Variants in GSK3B observed in about 807,000 individuals in gnomAD.
GSK3B encodes the protein glycogen synthase kinase-3 beta.
Under a neutral mutation model 56.4 loss-of-function variants are expected in GSK3B, and 15 were observed. The observed-to-expected ratio is 0.27, with a 90% CI of 0.18 to 0.41. GSK3B has a LOEUF of 0.41. GSK3B is among the 10% of genes least tolerant of loss of function. The pLI, the probability that GSK3B is intolerant of heterozygous loss-of-function variation, is 1.00. For synonymous variants in GSK3B, 181 were observed against 188.9 expected (o/e 0.96, Z 0.34); for missense variants, 300 against 513.4 (o/e 0.58, Z 4.02).
At chr3:120,029,020 G>C (rs775874836) in intron 1 of GSK3B, 3 of 643,654 alleles carry the variant, frequency 4.7e-6, no homozygotes, top group Non-Finnish European at 8.5e-6. Flanking sequence ...GTATCCTATA[G>C]GGACTCTCAT....
chr3:119,999,205 T>C (rs1369625587), intron 2 of GSK3B, among the ~76,000 whole-genome samples: 3 of 152,110 alleles, frequency 2.0e-5, no homozygotes, highest in South Asian at 4.1e-4. Context: ...GGTTTAAATA[T>C]TTTGATAGAA....
chr3:119,958,145 C>T (rs2057232338), intron 2 of GSK3B, among the ~76,000 whole-genome samples: 1 of 152,218 alleles, frequency 6.6e-6, no homozygotes, highest in Non-Finnish European at 1.5e-5. Flanking sequence ...TTAGTTTCTC[C>T]TGCACGATGA....
intron 10 of GSK3B, among the ~76,000 whole-genome samples, chr3:119,828,034 T>C (rs544790392): frequency 5.3e-5 from 8 of 151,982 alleles, no homozygotes; most frequent in African/African-American, 9.7e-5. Flanking sequence ...CCTGATATGA[T>C]TATTACACAT....
At chr3:119,929,137 A>C (rs76867271) in intron 3 of GSK3B, among the ~76,000 whole-genome samples, 15 of 152,206 alleles carry the variant, frequency 9.9e-5, no homozygotes, top group Non-Finnish European at 2.2e-4. Context: ...GCTGAAGGCT[A>C]AAAGAAAAAA....
chr3:119,993,678 G>T (rs1243689141), intron 2 of GSK3B, among the ~76,000 whole-genome samples: 4 of 152,146 alleles, frequency 2.6e-5, no homozygotes, highest in Admixed American at 6.5e-5. Flanking sequence ...AGAAAGAGGA[G>T]TTACAAATAT....
intron 1 of GSK3B, among the ~76,000 whole-genome samples, chr3:120,082,420 A>C (rs62266280): frequency 0.014 from 1,678 of 123,308 alleles, 32 homozygotes; most frequent in Middle Eastern, 0.04. Flanking sequence ...TTTTTGAGAA[A>C]GAGTCTTGCT....
intron 1 of GSK3B, among the ~76,000 whole-genome samples, chr3:120,065,926 A>C (rs1240481696): frequency 6.6e-6 from 1 of 152,154 alleles, no homozygotes; most frequent in Non-Finnish European, 1.5e-5. Flanking sequence ...TTGGAAAGCA[A>C]ATTAATGCCA....
chr3:120,046,537 C>T (rs1308806111), intron 1 of GSK3B, among the ~76,000 whole-genome samples: 1 of 152,100 alleles, frequency 6.6e-6, no homozygotes, highest in Admixed American at 6.6e-5. Context: ...CATGACAGCA[C>T]AATGGTTCTA....
intron 8 of GSK3B, among the ~76,000 whole-genome samples, chr3:119,866,400 AG>A (rs1166229751): frequency 6.6e-6 from 1 of 152,204 alleles, no homozygotes; most frequent in Non-Finnish European, 1.5e-5. Flanking sequence ...ATCACCCAAG[AG>A]GCTGACAATC....
chr3:120,082,321 A>G (rs2058426511), intron 1 of GSK3B, among the ~76,000 whole-genome samples: 1 of 151,848 alleles, frequency 6.6e-6, no homozygotes, highest in East Asian at 1.9e-4. Flanking sequence ...TGTCCAATAC[A>G]ATAACCACTA....
intron 10 of GSK3B, among the ~76,000 whole-genome samples, chr3:119,835,344 T>C (rs746107874): frequency 2.6e-5 from 4 of 152,216 alleles, no homozygotes; most frequent in Non-Finnish European, 4.4e-5. Context: ...TTTAGAAGAA[T>C]AAGTACAGCT....
chr3:119,941,643 TA>T (rs2057050630), intron 3 of GSK3B, among the ~76,000 whole-genome samples: 1 of 152,164 alleles, frequency 6.6e-6, no homozygotes, highest in African/African-American at 2.4e-5. Flanking sequence ...GTTTGACATA[TA>T]AAAAGCGCAA....
At chr3:119,979,462 C>T (rs899640932) in intron 2 of GSK3B, among the ~76,000 whole-genome samples, 9 of 152,072 alleles carry the variant, frequency 5.9e-5, no homozygotes, top group African/African-American at 1.9e-4. Flanking sequence ...AAGCCTTCAG[C>T]CCCAAACCCC....
intron 10 of GSK3B, 146 bp from the exon 11 acceptor site, chr3:119,827,001 T>C: frequency 1.6e-6 from 1 of 608,446 alleles, no homozygotes; most frequent in East Asian, 2.7e-5. Flanking sequence ...GCCAACACTA[T>C]GAAATCTGAA....
At chr3:119,857,174 CAGGATATTGGT>C (rs1269919793) in intron 9 of GSK3B, among the ~76,000 whole-genome samples, 2 of 152,106 alleles carry the variant, frequency 1.3e-5, no homozygotes, top group Non-Finnish European at 2.9e-5. Flanking sequence ...GCTGATTGAC[CAGGATATTGGT>C]TGCTGAAGGT....
intron 9 of GSK3B, among the ~76,000 whole-genome samples, chr3:119,855,235 T>A (rs760625879): frequency 1.3e-5 from 2 of 152,206 alleles, no homozygotes; most frequent in Non-Finnish European, 2.9e-5. Context: ...AAAATGCTCA[T>A]CATCACTGGC....
chr3:119,876,608 G>C (rs553440109), intron 7 of GSK3B, 100 bp from the exon 8 acceptor site: 3 of 699,158 alleles, frequency 4.3e-6, no homozygotes, highest in Non-Finnish European at 7.6e-6. Flanking sequence ...GAATTCCCAA[G>C]TTAAATAAAA....
At chr3:120,042,441 T>C (rs753320267) in intron 1 of GSK3B, among the ~76,000 whole-genome samples, 1 of 152,208 alleles carries the variant, frequency 6.6e-6, no homozygotes, top group Non-Finnish European at 1.5e-5. Context: ...TTGCTTTATA[T>C]GTAAATATAT....
chr3:120,043,507 C>T (rs1004960529), intron 1 of GSK3B, among the ~76,000 whole-genome samples: 6 of 144,594 alleles, frequency 4.1e-5, no homozygotes, highest in Non-Finnish European at 7.4e-5. Context: ...AATACCTCTG[C>T]CCCTCCAGAA....
Sources: allele counts gnomAD v4.1 joint callset (sites outside exome capture counted in the v4.1 genomes callset), GRCh38; gene constraint gnomAD v4.1.1; transcripts MANE v1.5; gene names NCBI Gene and HGNC (gene_info 2026-07-23, HGNC 2026-07-21).